The following RAB40B variants were observed in gnomAD, a reference collection of about 807,000 sequenced individuals.
RAB40B encodes ras-related protein Rab-40B.
Under a neutral mutation model 24.0 loss-of-function variants are expected in RAB40B, and 21 were observed. The ratio of observed to expected loss-of-function variants is 0.88; its 90% confidence interval spans 0.62 to 1.26. The LOEUF (loss-of-function observed/expected upper bound fraction) is 1.26. RAB40B is among the 50% of genes most tolerant of loss of function. RAB40B has a pLI of 0.00. For synonymous variants in RAB40B, 167 were observed against 169.8 expected (o/e 0.98, Z 0.13); for missense variants, 348 against 390.5 (o/e 0.89, Z 0.92).
At chr17:82,688,901 T>A (rs2143547822) in intron 1 of RAB40B, among the ~76,000 whole-genome samples, 1 of 152,336 alleles carries the variant, frequency 6.6e-6, no homozygotes, top group Non-Finnish European at 1.5e-5. Flanking sequence ...ACCACTGCAC[T>A]CCAGCCTGAG....
At chr17:82,666,585 C>T (rs2046260463) in intron 1 of RAB40B, among the ~76,000 whole-genome samples, 1 of 151,964 alleles carries the variant, frequency 6.6e-6, no homozygotes, top group South Asian at 2.1e-4. Context: ...TCCCCGCCCC[C>T]ATCACCCCCC....
At chr17:82,676,772 T>C (rs1210238543) in intron 1 of RAB40B, among the ~76,000 whole-genome samples, 1 of 151,386 alleles carries the variant, frequency 6.6e-6, no homozygotes, top group African/African-American at 2.4e-5. Flanking sequence ...GGATTACAGA[T>C]GCCCGCCATC....
intron 2 of RAB40B, among the ~76,000 whole-genome samples, 167 bp downstream of exon 2, chr17:82,664,302 ATGGTGGTGGGGCTGGTGGTGCTCCCCG>A: frequency 1.0e-5 from 1 of 95,324 alleles, no homozygotes; most frequent in Non-Finnish European, 2.0e-5. Flanking sequence ...TGCTGTGCTG[ATGGTGGTGGGGCTGGTGGTGCTCCCCG>A]GGGTGCTGTG....
intron 1 of RAB40B, among the ~76,000 whole-genome samples, chr17:82,679,098 T>C (rs2046423874): frequency 6.6e-6 from 1 of 150,776 alleles, no homozygotes. Flanking sequence ...TTAGCCAGGA[T>C]AGTCTCGATC....
intron 2 of RAB40B, chr17:82,662,265 C>T (rs1394182211): frequency 2.4e-5 from 24 of 985,348 alleles, no homozygotes; most frequent in Non-Finnish European, 2.7e-5. Context: ...ATCTAGAATT[C>T]AAGCCTCAGC....
At chr17:82,665,604 C>T (rs538238037) in intron 1 of RAB40B, among the ~76,000 whole-genome samples, 9 of 152,166 alleles carry the variant, frequency 5.9e-5, no homozygotes, top group Non-Finnish European at 1.2e-4. Context: ...CGGTGGCTGA[C>T]GCCTGTCATC....
chr17:82,684,685 G>T lies in RAB40B; in HGVS notation c.142+13770C>A, dbSNP rs7224369. 8.0e-3 allele frequency among the ~76,000 whole-genome samples: 1,218 copies of T among 152,288 alleles called. 13 individuals carry two copies. The highest frequency in any genetic ancestry group is 0.028 in the African/African-American group (1,173 of 41,556). ...ACCGGAGCCAGGTTCAAAGGCCTCC[G>T]GGATGCAGGCACGTTGGAGGCTGAG... On this transcript the variant is annotated intron_variant, in intron 1 of 5. Transcript: ENST00000571995.
At chr17:82,668,759 G>A (rs1415879471) in intron 1 of RAB40B, among the ~76,000 whole-genome samples, 1 of 152,208 alleles carries the variant, frequency 6.6e-6, no homozygotes, top group Non-Finnish European at 1.5e-5. Context: ...GCACAGAGAC[G>A]CCCGCGTCTA....
chr17:82,679,034 C>A (rs911987396), intron 1 of RAB40B, among the ~76,000 whole-genome samples: 12 of 151,576 alleles, frequency 7.9e-5, no homozygotes, highest in Non-Finnish European at 1.3e-4. Context: ...AGGCACCTGC[C>A]ACCACGCCTG....
At chr17:82,686,312 A>C (rs559906587) in intron 1 of RAB40B, among the ~76,000 whole-genome samples, 61 of 151,828 alleles carry the variant, frequency 4.0e-4, no homozygotes, top group Admixed American at 1.0e-3. Flanking sequence ...GGATTTCCCC[A>C]TGTTGGCCAG....
At chr17:82,688,642 GT>G (rs2046526528) in intron 1 of RAB40B, among the ~76,000 whole-genome samples, 1 of 148,084 alleles carries the variant, frequency 6.8e-6, no homozygotes. Flanking sequence ...TAAACAAATA[GT>G]TTTGTTTGGG....
chr17:82,659,165 G>A, intron 4 of RAB40B: 1 of 250,560 alleles, frequency 4.0e-6, no homozygotes, highest in Non-Finnish European at 7.8e-6. Context: ...GTCGGTTCTA[G>A]CAGCCCCGGG....
At position 82,664,559 on chromosome 17, in the gene RAB40B, G is replaced by GC; in HGVS notation, c.143-4dup. The GC allele has an allele frequency of 6.2e-7, 1 of 1,613,528 alleles. No homozygotes were observed. The highest frequency in any genetic ancestry group is 8.5e-7 in the Non-Finnish European group (1 of 1,179,536). On this transcript the variant is annotated splice_region_variant and splice_polypyrimidine_tract_variant and intron_variant, in intron 1 of 5. Transcript: ENST00000571995. Reference sequence around the variant, plus strand: ...GGTGGTCGTCTTGTAGTCGATGCCTGCGGAAGGGTTAGAGACGGCTTAGGC... The same window carrying GC: ...GGTGGTCGTCTTGTAGTCGATGCCTGCCGGAAGGGTTAGAGACGGCTTAGGC...
rs1336995000 is a variant in RAB40B, at chr17:82,658,012, C to T, written c.688G>A (p.Gly230Ser). 4 of 1,614,182 alleles carry T rather than the reference C, an allele frequency of 2.5e-6. No individual in the cohort carries two copies. In the East Asian group the frequency reaches 6.7e-5, roughly 27 times the overall value. ...SHLKSFSMAN[G>S]LNARMMHGGS... ...CCGTGCATCATCCTGGCATTCAGGC[C>T]GTTGGCCATCGAGAAGGACTTGAGG... Residue 230 changes from glycine to serine, a missense_variant, in exon 6 of 6, where the codon GGC (glycine) becomes AGC (serine). Physicochemically the swap from Gly to Ser is moderately conservative, Grantham distance 56. Coordinates refer to ENST00000571995, the MANE Select transcript of RAB40B (RefSeq NM_006822.3).
At position 82,664,439 on chromosome 17, in the gene RAB40B, C is replaced by T. The variant is rs1598297997; in HGVS notation, c.203+57G>A. On this transcript the variant is annotated intron_variant, in intron 2 of 5. Coordinates refer to ENST00000571995, the MANE Select transcript of RAB40B (RefSeq NM_006822.3). ...ACTGTGCTGACAGGGGGTGCTATGC[C>T]AGCCAGGGGGGTTACTCCCTGGGGG... The T allele has an allele frequency of 5.7e-6, 9 of 1,573,534 alleles. No individual in the cohort carries two copies. The East Asian group carries it at 2.0e-4, about 35-fold the overall frequency.
At chr17:82,681,391 A>G (rs1487715477) in intron 1 of RAB40B, among the ~76,000 whole-genome samples, 2 of 152,212 alleles carry the variant, frequency 1.3e-5, no homozygotes, top group East Asian at 3.8e-4. Flanking sequence ...GAAGTCTCCT[A>G]ATACAGGAAG....
chr17:82,687,651 G>C (rs2046515399), intron 1 of RAB40B, among the ~76,000 whole-genome samples: 1 of 152,188 alleles, frequency 6.6e-6, no homozygotes, highest in Non-Finnish European at 1.5e-5. Context: ...CTCTCTCCAG[G>C]ACATGGCCGC....
chr17:82,677,248 G>A (rs1385918543), intron 1 of RAB40B, among the ~76,000 whole-genome samples: 1 of 152,174 alleles, frequency 6.6e-6, no homozygotes, highest in African/African-American at 2.4e-5. Context: ...CTCCCGGCCA[G>A]CCTACTAATT....
rs774297387 is a variant in RAB40B at position 82,657,717 on chromosome 17, T to C, written c.*146A>G. ...AAATTCGAAGTCCGACGGGGTAGTGTGTTTCCATCACACGGAAGGCGTCGC... is the reference window on the plus strand; with the variant it reads ...AAATTCGAAGTCCGACGGGGTAGTGCGTTTCCATCACACGGAAGGCGTCGC... On this transcript the variant is annotated 3_prime_UTR_variant, in exon 6 of 6. Coordinates refer to ENST00000571995, the MANE Select transcript of RAB40B (RefSeq NM_006822.3). The C allele has an allele frequency of 2.1e-6, 2 of 973,018 alleles. No homozygotes were observed. The highest frequency in any genetic ancestry group is 1.6e-5 in the African/African-American group (1 of 62,590). The allele number at this position is 973,018 out of a possible 1,614,324, so 60.3% of individuals were successfully genotyped here. A position where few individuals can be genotyped will look rare whatever the true frequency, so the allele number is the denominator to read the frequency against.
Sources: allele counts gnomAD v4.1 joint callset (sites outside exome capture counted in the v4.1 genomes callset), GRCh38; gene constraint gnomAD v4.1.1; transcripts MANE v1.5; gene names NCBI Gene and HGNC (gene_info 2026-07-23, HGNC 2026-07-21).